CSNK1E: variants seen among roughly 807,000 people sequenced by gnomAD.
The protein encoded by CSNK1E is casein kinase I isoform epsilon.
A neutral mutation model predicts 46.1 loss-of-function variants in CSNK1E; 17 were observed. That is an observed-to-expected ratio of 0.37 (90% CI 0.25 to 0.55). The LOEUF (loss-of-function observed/expected upper bound fraction) is 0.55, where lower values mean the gene tolerates loss of function less well. Among genes scored for constraint, CSNK1E ranks in the 20% least tolerant of loss-of-function variants. The pLI is 0.82. For missense variants in CSNK1E, 386 were observed against 595.4 expected, an observed-to-expected ratio of 0.65 and a Z score of 3.66; for synonymous variants, 241 against 242.6, an observed-to-expected ratio of 0.99 and a Z score of 0.06.
Position 38,294,285 on chromosome 22 carries a change from A to C in CSNK1E, c.1079-37T>G, listed in dbSNP as rs764359477. The C allele has an allele frequency of 6.2e-7, 1 of 1,603,800 alleles. No individual in the cohort carries two copies. Among genetic ancestry groups the C allele is most frequent in the Non-Finnish European group, 8.5e-7 (1 of 1,175,780 alleles). On this transcript the variant is annotated intron_variant, in intron 8 of 10. Coordinates refer to ENST00000396832, the MANE Select transcript of CSNK1E (RefSeq NM_152221.3). The surrounding 1 kb of genome is among the most constrained non-coding windows in gnomAD (Gnocchi z 5.5). ...GTGGGAAGCCACCCTCAGAGTAGGCACAAACAGAGCCCCCCACCCACCCTG... is the reference window on the plus strand; with the variant it reads ...GTGGGAAGCCACCCTCAGAGTAGGCCCAAACAGAGCCCCCCACCCACCCTG...
rs1569082302 is a variant in CSNK1E, at chr22:38,309,550, G to A, written c.76+4532C>T. Among the ~76,000 whole-genome samples, 2 of 152,052 alleles carry A rather than the reference G, an allele frequency of 1.3e-5. No homozygotes were observed. Among genetic ancestry groups the A allele is most frequent in the Non-Finnish European group, 1.5e-5 (1 of 68,006 alleles). On this transcript the variant is annotated intron_variant, in intron 2 of 10. Coordinates refer to ENST00000396832, the MANE Select transcript of CSNK1E (RefSeq NM_152221.3). This position sits in a 1 kb window ranked among gnomAD's most constrained non-coding sequence, Gnocchi z 4.8. ...GCTCACTGCAACTTCTGCCTCCCGG[G>A]TTCAAGCGATTCTCATGCCTCAGCC...
chr22:38,314,193 G>A, intron 1 of CSNK1E, 24 bp from the exon 2 acceptor site: 1 of 1,603,350 alleles, frequency 6.2e-7, no homozygotes. Flanking sequence ...AGGAACATGA[G>A]GGTCAGCGAC....
upstream of CSNK1E, among the ~76,000 whole-genome samples, chr22:38,317,652 G>A (rs1198382761): frequency 6.6e-6 from 1 of 152,006 alleles, no homozygotes; most frequent in African/African-American, 2.4e-5. Context: ...GCAGTCCAGG[G>A]CACAGGTGGA....
intron 7 of CSNK1E, among the ~76,000 whole-genome samples, chr22:38,295,755 C>G (rs2092637080): frequency 6.6e-6 from 1 of 152,232 alleles, no homozygotes; most frequent in Non-Finnish European, 1.5e-5. Flanking sequence ...TGTTCAGAGT[C>G]TTGCCTTAGA....
In CSNK1E at chr22:38,300,705, C is replaced by T; in HGVS notation, c.565+19G>A. 6.2e-7 allele frequency: 1 copy of T among 1,612,270 alleles called. No homozygotes were observed. The highest frequency in any genetic ancestry group is 8.5e-7 in the Non-Finnish European group (1 of 1,178,566). ...CCAGTGGCCCCGGGTGCACACTGCTCCAGGCCTGGCTCCCTCACCAATGCC... is the reference window on the plus strand; with the variant it reads ...CCAGTGGCCCCGGGTGCACACTGCTTCAGGCCTGGCTCCCTCACCAATGCC... On this transcript the variant is annotated intron_variant, in intron 5 of 10. Transcript: ENST00000396832. The surrounding 1 kb of genome is among the most constrained non-coding windows in gnomAD (Gnocchi z 4.4).
chr22:38,311,244 T>G (rs1332893540), intron 2 of CSNK1E, among the ~76,000 whole-genome samples: 1 of 152,196 alleles, frequency 6.6e-6, no homozygotes, highest in East Asian at 1.9e-4. Flanking sequence ...AAGCCAAGGA[T>G]GGACAAGGTC....
intron 2 of CSNK1E, among the ~76,000 whole-genome samples, chr22:38,312,895 T>C (rs1209115919): frequency 6.6e-6 from 1 of 152,140 alleles, no homozygotes; most frequent in East Asian, 1.9e-4. Flanking sequence ...CTCTCACTCA[T>C]GTGGAGGGCT....
rs369606398 is a variant in CSNK1E, at chr22:38,307,646, T to TG, written c.77-4399dup. Among the ~76,000 whole-genome samples the TG allele has an allele frequency of 4.7e-4, 71 of 152,336 alleles. 1 individual carries two copies. The East Asian group carries it at 0.012, about 26-fold the overall frequency. Reference sequence around the variant, plus strand: ...TTGAGAATCAGAGGATTCTGGTATCTGAGGGGGATCCTGGAACCTATTCCC... The same window carrying TG: ...TTGAGAATCAGAGGATTCTGGTATCTGGAGGGGGATCCTGGAACCTATTCCC... On this transcript the variant is annotated intron_variant, in intron 2 of 10. Coordinates refer to ENST00000396832, the MANE Select transcript of CSNK1E (RefSeq NM_152221.3).
Position 38,305,300 on chromosome 22 carries a change from G to C in CSNK1E, c.77-2052C>G, listed in dbSNP as rs1252885952. Among the ~76,000 whole-genome samples, 3 of 151,956 alleles carry C rather than the reference G, an allele frequency of 2.0e-5. No homozygotes were observed. The East Asian group carries it at 5.8e-4, about 29-fold the overall frequency. On this transcript the variant is annotated intron_variant, in intron 2 of 10. Transcript: ENST00000396832. ...CTTAGGCCATGCAGGTATTCTATAC[G>C]TATTCTTTGCATCCACTCAACGTTT...
intron 1 of CSNK1E, among the ~76,000 whole-genome samples, chr22:38,314,821 G>T (rs1217434350): frequency 6.6e-6 from 1 of 152,200 alleles, no homozygotes; most frequent in Non-Finnish European, 1.5e-5. Flanking sequence ...GTGGGAGGAG[G>T]AGTTCTGATG....
At chr22:38,315,493 C>T (rs1228865117) in intron 1 of CSNK1E, among the ~76,000 whole-genome samples, 8 of 152,212 alleles carry the variant, frequency 5.3e-5, no homozygotes, top group South Asian at 4.1e-4. Flanking sequence ...TGAGGTGCCA[C>T]GCTGCCAGGG....
At chr22:38,302,730 A>G in intron 4 of CSNK1E, 131 bp downstream of exon 4, 2 of 1,061,834 alleles carry the variant, frequency 1.9e-6, no homozygotes, top group Non-Finnish European at 2.7e-6. Flanking sequence ...ATAAACACCT[A>G]CAATTCTATA....
Position 38,293,327 on chromosome 22 carries a change from GGGT to G in CSNK1E, c.1219-11_1219-9del. 6.2e-7 allele frequency: 1 copy of G among 1,601,564 alleles called. No individual in the cohort carries two copies. ...GTCAAATGGCACACTTGTCTTTTGA[GGGT>G]GGGGAGGGAGAGAGGGGGAGGGAGA... On this transcript the variant is annotated splice_polypyrimidine_tract_variant and intron_variant, in intron 9 of 10. Transcript: ENST00000396832.
intron 7 of CSNK1E, chr22:38,296,054 G>T: frequency 2.0e-6 from 1 of 509,374 alleles, no homozygotes; most frequent in Non-Finnish European, 2.5e-6. Context: ...ACTCCAAGGT[G>T]TGGAGCCCTG....
chr22:38,305,919 C>T (rs987055111), intron 2 of CSNK1E, among the ~76,000 whole-genome samples: 1 of 152,142 alleles, frequency 6.6e-6, no homozygotes, highest in Non-Finnish European at 1.5e-5. Context: ...ACCTGACATC[C>T]TAGCACGGTG....
At chr22:38,311,874 A>G (rs1193601901) in intron 2 of CSNK1E, among the ~76,000 whole-genome samples, 2 of 147,984 alleles carry the variant, frequency 1.4e-5, no homozygotes, top group African/African-American at 5.0e-5. Context: ...ACACGATCTC[A>G]GCTCACTGCA....
At chr22:38,296,566 G>A (rs746951954) in intron 7 of CSNK1E, 9 of 1,612,430 alleles carry the variant, frequency 5.6e-6, no homozygotes, top group Non-Finnish European at 7.6e-6. Flanking sequence ...TTGAGTCAGA[G>A]ATTGGCAAAG....
In CSNK1E at chr22:38,317,394, T is replaced by TGCCCGCAC; in HGVS notation, c.-248_-247insGTGCGGGC. ...CGCCGCCTCCCTCCTCCCGGCCTCC[T>TGCCCGCAC]GCCCGCCCGCCCGCCCCCGCCGCCG... On this transcript the variant is annotated 5_prime_UTR_variant, in exon 1 of 11. Transcript: ENST00000396832. 1 of 97,570 alleles carries TGCCCGCAC rather than the reference T, an allele frequency of 1.0e-5. No homozygotes were observed. Among genetic ancestry groups the TGCCCGCAC allele is most frequent in the South Asian group, 2.7e-4 (1 of 3,654 alleles). 6.0% of individuals were successfully genotyped at this position (97,570 alleles called of 1,614,324 possible).
intron 2 of CSNK1E, among the ~76,000 whole-genome samples, chr22:38,310,218 C>A (rs982713367): frequency 1.3e-5 from 2 of 152,156 alleles, no homozygotes; most frequent in Non-Finnish European, 2.9e-5. Flanking sequence ...CTAGAACTGC[C>A]CGATTTCAGG....
Sources: allele counts gnomAD v4.1 joint callset (sites outside exome capture counted in the v4.1 genomes callset), GRCh38; gene constraint gnomAD v4.1.1; non-coding constraint Gnocchi (gnomAD v3.1); transcripts MANE v1.5; gene names NCBI Gene and HGNC (gene_info 2026-07-23, HGNC 2026-07-21).